Variants in PLEKHA7 observed in about 807,000 individuals in gnomAD.
PLEKHA7 encodes the protein pleckstrin homology domain-containing family A member 7.
A neutral mutation model predicts 170.0 loss-of-function variants in PLEKHA7; 104 were observed. That is an observed-to-expected ratio of 0.61 (90% CI 0.52 to 0.72). The LOEUF is 0.72. Ranked by LOEUF, PLEKHA7 falls within the 30% of genes least tolerant of loss-of-function variation. PLEKHA7 has a pLI of 0.00. For missense variants in PLEKHA7, 1,615 were observed against 1,671.7 expected, an observed-to-expected ratio of 0.97 and a Z score of 0.59; for synonymous variants, 648 against 660.8, an observed-to-expected ratio of 0.98 and a Z score of 0.30.
intron 3 of PLEKHA7, among the ~76,000 whole-genome samples, chr11:16,950,096 G>A (rs1272531753): frequency 1.3e-4 from 17 of 133,094 alleles, no homozygotes; most frequent in African/African-American, 4.4e-4. Flanking sequence ...GGGGGCGGGG[G>A]CGGAGCACAG....
intron 17 of PLEKHA7, 74 bp downstream of exon 17, chr11:16,800,900 G>A: frequency 7.8e-7 from 1 of 1,274,600 alleles, no homozygotes; most frequent in Non-Finnish European, 1.1e-6. Flanking sequence ...CCCCACAGGT[G>A]AAGTCTCTTG....
chr11:16,973,883 C>T (rs991460582), intron 3 of PLEKHA7, among the ~76,000 whole-genome samples: 1 of 152,204 alleles, frequency 6.6e-6, no homozygotes, highest in African/African-American at 2.4e-5. Context: ...CACTTCCTCC[C>T]TGTGGACCAG....
rs543742002 is a variant in PLEKHA7 at position 16,906,103 on chromosome 11, C to T, written c.222-34921G>A. 2.0e-5 allele frequency among the ~76,000 whole-genome samples: 3 copies of T among 152,252 alleles called. No individual in the cohort carries two copies. In the East Asian group the frequency reaches 5.8e-4, roughly 29 times the overall value. On this transcript the variant is annotated intron_variant, in intron 3 of 26. Transcript: ENST00000531066. ...GCTGGCCATCTGACAAATAGCAGGA[C>T]TGTTGTGGGCTGAACTGTGTTCCCT...
chr11:16,840,517 G>A (rs1010415163), intron 9 of PLEKHA7, among the ~76,000 whole-genome samples: 1 of 152,148 alleles, frequency 6.6e-6, no homozygotes, highest in South Asian at 2.1e-4. Context: ...CCAAGATCAC[G>A]CCATTGCACT....
In PLEKHA7 at chr11:16,794,937, T is replaced by C. The variant is rs1447891588; in HGVS notation, c.2491A>G (p.Ile831Val). The C allele has an allele frequency of 3.1e-6, 5 of 1,611,770 alleles. No homozygotes were observed. The highest frequency in any genetic ancestry group is 2.2e-5 in the South Asian group (2 of 91,016). Residue 831 changes from isoleucine (I) to valine (V), a missense_variant, in exon 18 of 27, where the codon ATT becomes GTT. Coordinates refer to ENST00000531066, the MANE Select transcript of PLEKHA7 (RefSeq NM_001329630.2). ...GLSANKENFR[I>V]LVESVKNPER... ...GGATTTTTTACTGACTCCACTAGAATTCTGAAGTTCTCTTTATTTGCACTC... is the reference window on the plus strand; with the variant it reads ...GGATTTTTTACTGACTCCACTAGAACTCTGAAGTTCTCTTTATTTGCACTC...
chr11:17,005,099 C>A (rs2137074040), intron 3 of PLEKHA7, among the ~76,000 whole-genome samples: 1 of 137,614 alleles, frequency 7.3e-6, no homozygotes, highest in East Asian at 2.6e-4. Context: ...TCCTACAGCC[C>A]TCTGTCACCT....
At chr11:16,984,505 C>G (rs1453119809) in intron 3 of PLEKHA7, among the ~76,000 whole-genome samples, 2 of 152,120 alleles carry the variant, frequency 1.3e-5, no homozygotes, top group African/African-American at 4.8e-5. Context: ...CCACTCTGGC[C>G]TCCTTGCTGT....
intron 4 of PLEKHA7, among the ~76,000 whole-genome samples, chr11:16,861,625 G>A (rs1003401528): frequency 1.3e-5 from 2 of 152,108 alleles, no homozygotes; most frequent in African/African-American, 2.4e-5. Flanking sequence ...CTCCAGCCTT[G>A]GCACAGAGCA....
intron 13 of PLEKHA7, among the ~76,000 whole-genome samples, chr11:16,803,760 C>G (rs557140678): frequency 4.9e-4 from 74 of 152,276 alleles, no homozygotes; most frequent in African/African-American, 1.5e-3. Flanking sequence ...CATTGTCAAG[C>G]CTTAGTTTAA....
chr11:16,969,356 A>C (rs574638170), intron 3 of PLEKHA7, among the ~76,000 whole-genome samples: 1 of 152,348 alleles, frequency 6.6e-6, no homozygotes, highest in African/African-American at 2.4e-5. Flanking sequence ...CCAGCAGTTT[A>C]AGAGGAGAGA....
intron 3 of PLEKHA7, among the ~76,000 whole-genome samples, chr11:16,895,073 A>G (rs560986504): frequency 3.9e-5 from 6 of 152,308 alleles, no homozygotes; most frequent in Non-Finnish European, 7.4e-5. Context: ...CCAGAGGTGG[A>G]GTCAAAGGTT....
chr11:16,946,765 C>T (rs2136455630), intron 3 of PLEKHA7, among the ~76,000 whole-genome samples: 1 of 152,244 alleles, frequency 6.6e-6, no homozygotes, highest in East Asian at 1.9e-4. Context: ...TTCTGTTAGA[C>T]TCTGTTAGAC....
At position 16,851,236 on chromosome 11, in the gene PLEKHA7, A is replaced by G. The variant is rs1185578117; in HGVS notation, c.651T>C (p.Ser217=). Residue 217 remains serine, a synonymous_variant, in exon 8 of 27, where the codon TCT becomes TCC. Coordinates refer to ENST00000531066, the MANE Select transcript of PLEKHA7 (RefSeq NM_001329630.2). ...GSIPLPSYVI[S]PVAPEDRISR... ...TTATGCGATCCTCAGGGGCCACAGG[A>G]GAGATCACGTAGCTGGGCAAGGGGA... 6.2e-7 allele frequency: 1 copy of G among 1,611,926 alleles called. No individual in the cohort carries two copies. Among genetic ancestry groups the G allele is most frequent in the Non-Finnish European group, 8.5e-7 (1 of 1,179,040 alleles).
chr11:16,923,193 A>C (rs1401952308), intron 3 of PLEKHA7, among the ~76,000 whole-genome samples: 2 of 152,232 alleles, frequency 1.3e-5, no homozygotes, highest in Non-Finnish European at 2.9e-5. Flanking sequence ...CATTATCCAC[A>C]AATATGCAGC....
chr11:16,854,315 G>A (rs548252969), intron 6 of PLEKHA7, among the ~76,000 whole-genome samples: 13 of 152,308 alleles, frequency 8.5e-5, no homozygotes, highest in African/African-American at 1.9e-4. Flanking sequence ...AATGCATGTC[G>A]GGGAAGGAGA....
chr11:16,830,704 A>C (rs944054935), intron 9 of PLEKHA7, among the ~76,000 whole-genome samples: 4 of 152,184 alleles, frequency 2.6e-5, no homozygotes, highest in Non-Finnish European at 4.4e-5. Flanking sequence ...TGTATTTACC[A>C]AGCACCTATA....
chr11:17,011,858 T>A (rs955167721), intron 3 of PLEKHA7, among the ~76,000 whole-genome samples: 1 of 152,144 alleles, frequency 6.6e-6, no homozygotes, highest in Admixed American at 6.5e-5. Context: ...CTCATGATTC[T>A]CCTCCACCCC....
intron 3 of PLEKHA7, among the ~76,000 whole-genome samples, chr11:16,874,380 A>G (rs561525866): frequency 1.3e-5 from 2 of 152,146 alleles, no homozygotes; most frequent in South Asian, 4.1e-4. Flanking sequence ...GCTGTCACGC[A>G]CCTGTAGTCC....
In PLEKHA7 at chr11:16,816,266, T is replaced by C. The variant is rs778923535; in HGVS notation, c.1867-2A>G. On this transcript the variant is annotated splice_acceptor_variant, in intron 11 of 26. Transcript: ENST00000531066. LOFTEE classifies it high-confidence loss of function. ...GCGTCGGTCCACATGAGATGAGTTCTGCAAGTGGGGAGACAAGAAGTCACA... is the reference window on the plus strand; with the variant it reads ...GCGTCGGTCCACATGAGATGAGTTCCGCAAGTGGGGAGACAAGAAGTCACA... 1.2e-6 allele frequency: 2 copies of C among 1,611,134 alleles called. No homozygotes were observed. Among genetic ancestry groups the C allele is most frequent in the Admixed American group, 3.3e-5 (2 of 60,014 alleles).
Sources: allele counts gnomAD v4.1 joint callset (sites outside exome capture counted in the v4.1 genomes callset), GRCh38; gene constraint gnomAD v4.1.1; transcripts MANE v1.5; gene names NCBI Gene and HGNC (gene_info 2026-07-23, HGNC 2026-07-21).